KDM3A: variants seen among roughly 807,000 people sequenced by gnomAD.
KDM3A encodes lysine demethylase 3A, also known as lysine-specific demethylase 3A.
Under a neutral mutation model 158.0 loss-of-function variants are expected in KDM3A, and 60 were observed. That is an observed-to-expected ratio of 0.38 (90% CI 0.31 to 0.47). The LOEUF (loss-of-function observed/expected upper bound fraction) is 0.47. Ranked by LOEUF, KDM3A falls within the 20% of genes least tolerant of loss-of-function variation. The pLI is 0.99. For synonymous variants in KDM3A, 608 were observed against 549.3 expected, an observed-to-expected ratio of 1.11 and a Z score of -1.49; for missense variants, 1,319 against 1,574.3, an observed-to-expected ratio of 0.84 and a Z score of 2.74.
At chr2:86,443,951 T>C (rs56263644) in intron 2 of KDM3A, among the ~76,000 whole-genome samples, 11,590 of 152,276 alleles carry the variant, frequency 0.076, 597 homozygotes, top group Middle Eastern at 0.13. Context: ...CATTTGTTTT[T>C]ATGTGATTTG....
intron 22 of KDM3A, 36 bp downstream of exon 22, chr2:86,489,473 T>C: frequency 6.2e-7 from 1 of 1,612,436 alleles, no homozygotes; most frequent in Non-Finnish European, 8.5e-7. Flanking sequence ...GCTTACTCTT[T>C]GAGCCAGGGC....
intron 8 of KDM3A, among the ~76,000 whole-genome samples, chr2:86,461,721 T>A (rs570472940): frequency 3.4e-4 from 52 of 152,100 alleles, no homozygotes; most frequent in Middle Eastern, 6.8e-3. Flanking sequence ...ATTCTGAGAG[T>A]GTGACATATT....
intron 4 of KDM3A, among the ~76,000 whole-genome samples, chr2:86,452,258 C>G (rs1184393614): frequency 6.6e-6 from 1 of 151,460 alleles, no homozygotes; most frequent in Non-Finnish European, 1.5e-5. Context: ...GCTGAAGTGC[C>G]ATGATGTGTC....
chr2:86,449,651 G>T (rs965368349), intron 2 of KDM3A, among the ~76,000 whole-genome samples, 156 bp from the exon 3 acceptor site: 9 of 152,102 alleles, frequency 5.9e-5, no homozygotes, highest in African/African-American at 1.7e-4. Flanking sequence ...ATGTATTGTG[G>T]GCTGTGACAG....
At chr2:86,478,580 C>A in intron 14 of KDM3A, 28 bp from the exon 15 acceptor site, 1 of 1,611,822 alleles carries the variant, frequency 6.2e-7, no homozygotes, top group South Asian at 1.1e-5. Flanking sequence ...TATCCTTGTT[C>A]AGATGTTTGC....
intron 2 of KDM3A, among the ~76,000 whole-genome samples, chr2:86,443,807 T>C (rs1241643307): frequency 6.6e-6 from 1 of 152,168 alleles, no homozygotes; most frequent in East Asian, 1.9e-4. Flanking sequence ...ATAGAGATAA[T>C]ATATTGTGGT....
chr2:86,481,981 C>T lies in KDM3A; in HGVS notation c.2564C>T (p.Pro855Leu), dbSNP rs1417450541. ...AAGAATGAAATCAAATGCCTTCCAC[C>T]CCTCCCACCTTTAAGCAAATCCAGC... ...ILKNEIKCLP[P>L]LPPLSKSSTV... The change falls in exon 17 of 26, where the codon CCC becomes CTC. Residue 855 changes from proline to leucine, a missense_variant. By Grantham distance (98) the Pro-to-Leu change is moderately conservative (BLOSUM62 -3). Around this residue, in one of 4 missense-constraint regions of KDM3A, gnomAD observed 368 missense variants for 415.8 expected, o/e 0.89. Transcript: ENST00000312912. 18 of 1,613,746 alleles carry T rather than the reference C, an allele frequency of 1.1e-5. No homozygotes were observed. Among genetic ancestry groups the T allele is most frequent in the Non-Finnish European group, 1.4e-5 (16 of 1,179,818 alleles).
Position 86,464,126 on chromosome 2 carries a change from C to T in KDM3A, c.917C>T (p.Ala306Val), listed in dbSNP as rs1393538256. The change falls in exon 9 of 26, where the codon GCG becomes GTG. Residue 306 changes from alanine to valine, a missense_variant. Ala to Val is a moderately conservative substitution (Grantham distance 64). Around this residue, in one of 4 missense-constraint regions of KDM3A, gnomAD observed 652 missense variants for 627.2 expected, o/e 1.04. Coordinates refer to ENST00000312912, the MANE Select transcript of KDM3A (RefSeq NM_018433.6). ...AAGGAGATACTGCTTGGCTGTACTGCGGCAACTCCACCTAGTAAGGACCCA... is the reference window on the plus strand; with the variant it reads ...AAGGAGATACTGCTTGGCTGTACTGTGGCAACTCCACCTAGTAAGGACCCA... ...VFKEILLGCTAATPPSKDPRQ... is the reference protein window; with the variant it reads ...VFKEILLGCTVATPPSKDPRQ... 1.9e-6 allele frequency: 3 copies of T among 1,612,714 alleles called. No homozygotes were observed. Among genetic ancestry groups the T allele is most frequent in the South Asian group, 1.1e-5 (1 of 91,022 alleles).
intron 10 of KDM3A, 61 bp downstream of exon 10, chr2:86,466,944 T>C (rs1673182041): frequency 2.3e-6 from 3 of 1,283,832 alleles, no homozygotes; most frequent in Non-Finnish European, 3.2e-6. Context: ...TATATATCTC[T>C]TTCTTGTCCT....
At chr2:86,453,266 T>C (rs1558607529) in intron 4 of KDM3A, among the ~76,000 whole-genome samples, 1 of 152,206 alleles carries the variant, frequency 6.6e-6, no homozygotes, top group African/African-American at 2.4e-5. Flanking sequence ...TCTTGACTTT[T>C]AGTGATGTTG....
At chr2:86,451,613 G>A (rs1288531639) in intron 4 of KDM3A, among the ~76,000 whole-genome samples, 2 of 152,134 alleles carry the variant, frequency 1.3e-5, no homozygotes, top group Non-Finnish European at 2.9e-5. Flanking sequence ...GGTGACAGAG[G>A]TGGAAGGAAA....
At chr2:86,472,886 C>CT (rs1673482157) in intron 11 of KDM3A, among the ~76,000 whole-genome samples, 1 of 152,100 alleles carries the variant, frequency 6.6e-6, no homozygotes. Flanking sequence ...AGTTTTCTTG[C>CT]TTTTATATGA....
Position 86,482,334 on chromosome 2 carries a change from C to G in KDM3A, c.2686-124C>G, listed in dbSNP as rs549970816. ...TGTCAAGTGGGGACAGGGGACGTAC[C>G]TTTTTGCCTGGGGGTCCTGGCTTGG... On this transcript the variant is annotated intron_variant, in intron 17 of 25. Coordinates refer to ENST00000312912, the MANE Select transcript of KDM3A (RefSeq NM_018433.6). 5 of 1,491,468 alleles carry G rather than the reference C, an allele frequency of 3.4e-6. No individual in the cohort carries two copies. The South Asian group carries it at 4.1e-5, about 12-fold the overall frequency. The allele number at this position is 1,491,468 out of a possible 1,614,324, so 92.4% of individuals were successfully genotyped here.
At chr2:86,467,012 AAAG>A (rs1673186268) in intron 10 of KDM3A, 129 bp downstream of exon 10, 1 of 780,146 alleles carries the variant, frequency 1.3e-6, no homozygotes. Flanking sequence ...AGAAAAGTTG[AAAG>A]AAGGTATAAT....
At position 86,491,166 on chromosome 2, in the gene KDM3A, A is replaced by T; in HGVS notation, c.3776A>T (p.Lys1259Ile). The change falls in exon 25 of 26, where the codon AAA becomes ATA. Residue 1259 changes from lysine to isoleucine, a missense_variant. Lys to Ile is a moderately radical substitution (Grantham distance 102). Transcript: ENST00000312912. ...GTTCATAACTTATATAGCTGCATCA[A>T]AGTGGCTGAAGATTTTGTTTCTCCA... ...HQVHNLYSCI[K>I]VAEDFVSPEH... The T allele has an allele frequency of 6.2e-7, 1 of 1,614,044 alleles. No homozygotes were observed. Among genetic ancestry groups the T allele is most frequent in the Non-Finnish European group, 8.5e-7 (1 of 1,179,920 alleles).
chr2:86,483,955 T>G, intron 18 of KDM3A, 32 bp from the exon 19 acceptor site: 1 of 1,581,556 alleles, frequency 6.3e-7, no homozygotes, highest in Non-Finnish European at 8.6e-7. Context: ...GCTGGCAGAG[T>G]TCAGACTAAA....
In KDM3A at chr2:86,472,962, A is replaced by G. The variant is rs183478235; in HGVS notation, c.1725-1814A>G. Reference sequence around the variant, plus strand: ...ACCTTTTCTTGCCAAAGCAAGCTCAATTACTCTCTTTATTATGAAGTCCTT... The same window carrying G: ...ACCTTTTCTTGCCAAAGCAAGCTCAGTTACTCTCTTTATTATGAAGTCCTT... On this transcript the variant is annotated intron_variant, in intron 11 of 25. Transcript: ENST00000312912. Among the ~76,000 whole-genome samples the G allele has an allele frequency of 5.9e-3, 891 of 152,220 alleles. 8 individuals are homozygous for G. Among genetic ancestry groups the G allele is most frequent in the African/African-American group, 0.019 (791 of 41,528 alleles).
At chr2:86,438,588 ACAT>A (rs567495926), upstream of KDM3A, among the ~76,000 whole-genome samples, 869 of 152,206 alleles carry the variant, frequency 5.7e-3, 7 homozygotes, top group African/African-American at 0.019. Flanking sequence ...CTATACCAAA[ACAT>A]CATATTGTAC....
In KDM3A at chr2:86,485,867, G is replaced by A; in HGVS notation, c.3313+8G>A. Reference sequence around the variant, plus strand: ...AGATGTATAATGCTTATGGTAAGGAGGAGATGGCTAACTTTAAAATGGAAA... The same window carrying A: ...AGATGTATAATGCTTATGGTAAGGAAGAGATGGCTAACTTTAAAATGGAAA... On this transcript the variant is annotated splice_region_variant and intron_variant, in intron 21 of 25. Coordinates refer to ENST00000312912, the MANE Select transcript of KDM3A (RefSeq NM_018433.6). 1.2e-6 allele frequency: 2 copies of A among 1,604,300 alleles called. No homozygotes were observed. Among genetic ancestry groups the A allele is most frequent in the Non-Finnish European group, 1.7e-6 (2 of 1,172,452 alleles).
Sources: allele counts gnomAD v4.1 joint callset (sites outside exome capture counted in the v4.1 genomes callset), GRCh38; gene constraint gnomAD v4.1.1; regional missense constraint gnomAD v4.1.1; transcripts MANE v1.5; gene names NCBI Gene and HGNC (gene_info 2026-07-23, HGNC 2026-07-21).